NCOR2: variants seen among roughly 807,000 people sequenced by gnomAD.
NCOR2 encodes the protein CTG repeat protein 26.
NCOR2 carries 81 observed loss-of-function variants against 262.9 expected under a neutral mutation model. The ratio of observed to expected loss-of-function variants is 0.31; its 90% CI spans 0.26 to 0.37. The LOEUF (loss-of-function observed/expected upper bound fraction) is 0.37. Among genes scored for constraint, NCOR2 ranks in the 10% least tolerant of loss-of-function variants. The pLI, the probability that NCOR2 is intolerant of heterozygous loss-of-function variation, is 1.00. For missense variants in NCOR2, 3,385 were observed against 3,621.4 expected (o/e 0.93, Z 1.68); for synonymous variants, 1,659 against 1,559.3 (o/e 1.06, Z -1.51).
At chr12:124,491,001 C>T (rs1049709045) in intron 1 of NCOR2, among the ~76,000 whole-genome samples, 7 of 152,260 alleles carry the variant, frequency 4.6e-5, no homozygotes, top group Non-Finnish European at 1.0e-4. Flanking sequence ...AAGAGCTAAT[C>T]TAGGCCAAGA....
At chr12:124,371,002 C>A (rs866391075) in intron 20 of NCOR2, among the ~76,000 whole-genome samples, 1 of 152,166 alleles carries the variant, frequency 6.6e-6, no homozygotes, top group African/African-American at 2.4e-5. Context: ...ACGGCCACCA[C>A]GCTCGCATCT....
intron 19 of NCOR2, among the ~76,000 whole-genome samples, chr12:124,374,154 C>T (rs746841254): frequency 6.6e-5 from 10 of 152,186 alleles, no homozygotes; most frequent in East Asian, 1.9e-4. Flanking sequence ...AAATCAAACC[C>T]GGTCGGAGAC....
chr12:124,469,269 G>A (rs34142604), intron 4 of NCOR2, among the ~76,000 whole-genome samples: 79,922 of 151,726 alleles, frequency 0.53, 21,603 homozygotes, highest in Non-Finnish European at 0.58. Context: ...TATGAACCCA[G>A]AAAGGTGCCC....
intron 31 of NCOR2, 142 bp downstream of exon 33, chr12:124,346,422 C>G: frequency 1.1e-6 from 1 of 934,024 alleles, no homozygotes; most frequent in South Asian, 2.3e-5. Flanking sequence ...AGCTGAGGCC[C>G]GGTGATGAGC....
chr12:124,334,028 G>GTGTGTGCGCGCATGT (rs1593094229), intron 41 of NCOR2, among the ~76,000 whole-genome samples: 14 of 150,212 alleles, frequency 9.3e-5, no homozygotes, highest in Non-Finnish European at 1.6e-4. Flanking sequence ...GTGCATGTGT[G>GTGTGTGCGCGCATGT]GAAAGGCTGC....
chr12:124,539,856 C>T (rs2137207875), upstream of NCOR2, among the ~76,000 whole-genome samples: 1 of 152,290 alleles, frequency 6.6e-6, no homozygotes, highest in Non-Finnish European at 1.5e-5. The surrounding 1 kb of genome is among the most constrained non-coding windows in gnomAD (Gnocchi z 5.1). Context: ...CCTGGCTCAC[C>T]CCAGCCACAA....
chr12:124,422,428 G>A (rs1391706105), intron 12 of NCOR2, 73 bp downstream of exon 14: 2 of 1,569,166 alleles, frequency 1.3e-6, no homozygotes, highest in African/African-American at 1.4e-5. Context: ...AGGAGGGAGG[G>A]CCTCCACCCT....
intron 17 of NCOR2, chr12:124,383,497 C>A: frequency 1.1e-6 from 1 of 942,488 alleles, no homozygotes; most frequent in South Asian, 4.2e-5. Context: ...GCTCATACCT[C>A]CCACAAATCT....
In NCOR2 at chr12:124,549,258, G is replaced by C. The variant is rs1047842653; in HGVS notation, c.-164-13647C>G. 1.3e-5 allele frequency among the ~76,000 whole-genome samples: 2 copies of C among 152,012 alleles called. No homozygotes were observed. Among genetic ancestry groups the C allele is most frequent in the African/African-American group, 4.8e-5 (2 of 41,378 alleles). ...GTGCCGCACTGAGACAGGCAGGCAC[G>C]CAGCTGAGGGGCTGGCGGTGGGAGG... On this transcript the variant is annotated intron_variant, in intron 1 of 32. Coordinates refer to the NCOR2 transcript ENST00000458234. The surrounding 1 kb of genome is among the most constrained non-coding windows in gnomAD (Gnocchi z 4.4).
upstream of NCOR2, among the ~76,000 whole-genome samples, chr12:124,500,174 C>T (rs1243612119): frequency 3.5e-5 from 5 of 140,954 alleles, no homozygotes; most frequent in Non-Finnish European, 6.3e-5. Context: ...GGATACCCAA[C>T]GGGGACACCA....
chr12:124,402,530 T>C, exon 14 of NCOR2: 1 of 1,566,548 alleles, frequency 6.4e-7, no homozygotes, highest in East Asian at 2.4e-5. Flanking sequence ...CTGCTGCTGC[T>C]GCTGCTGCTG....
intron 1 of NCOR2, among the ~76,000 whole-genome samples, chr12:124,506,521 G>A (rs937687670): frequency 6.6e-6 from 1 of 151,586 alleles, no homozygotes; most frequent in Non-Finnish European, 1.5e-5. Flanking sequence ...AGGAAGAGAG[G>A]GAGATAAACC....
chr12:124,457,300 C>CG lies in NCOR2; in HGVS notation c.706-139dup. ...ATCCTCAGCACGGGGGAGGGAGGCC[C>CG]GGGGCCCCCTGCAGGCCCTCCCCAC... On this transcript the variant is annotated intron_variant, in intron 5 of 46. Transcript: ENST00000405201. This position sits in a 1 kb window ranked among gnomAD's most constrained non-coding sequence, Gnocchi z 4.0. The CG allele has an allele frequency of 1.1e-6, 1 of 937,886 alleles. No individual in the cohort carries two copies. 58.1% of individuals were successfully genotyped at this position (937,886 alleles called of 1,614,324 possible).
chr12:124,559,038 GAA>G (rs1375949835), intron 1 of NCOR2, among the ~76,000 whole-genome samples: 1 of 152,170 alleles, frequency 6.6e-6, no homozygotes, highest in Admixed American at 6.5e-5. Context: ...CCGGACCCCA[GAA>G]AAGACTGACC....
At chr12:124,452,238 G>A (rs904440082) in intron 6 of NCOR2, among the ~76,000 whole-genome samples, 2 of 152,230 alleles carry the variant, frequency 1.3e-5, no homozygotes, top group Non-Finnish European at 2.9e-5. Context: ...CAGAGGGTGC[G>A]AATCCTCGTC....
chr12:124,449,931 C>A, intron 6 of NCOR2, 64 bp from the exon 9 acceptor site: 1 of 1,540,990 alleles, frequency 6.5e-7, no homozygotes, highest in Non-Finnish European at 8.9e-7. Flanking sequence ...CAGAGCCCAC[C>A]GGTAGGAGCC....
intron 18 of NCOR2, 61 bp from the exon 21 acceptor site, chr12:124,374,524 A>G: frequency 6.5e-7 from 1 of 1,545,198 alleles, no homozygotes; most frequent in Non-Finnish European, 8.9e-7. Context: ...GAGGGGAGGG[A>G]GGAGGCAACG....
At chr12:124,360,475 C>T (rs1268406443) in intron 22 of NCOR2, among the ~76,000 whole-genome samples, 1 of 152,240 alleles carries the variant, frequency 6.6e-6, no homozygotes, top group Non-Finnish European at 1.5e-5. Context: ...CTTGACTCAA[C>T]AACGGCCAGA....
chr12:124,346,525 T>G lies in NCOR2; in HGVS notation c.4359+39A>C, dbSNP rs2036951493. 4.1e-6 allele frequency: 6 copies of G among 1,481,394 alleles called. No homozygotes were observed. The East Asian group carries it at 1.4e-4, about 35-fold the overall frequency. The allele number at this position is 1,481,394 out of a possible 1,614,324, so 91.8% of individuals were successfully genotyped here. ...AGTGCCCCACAGCCACCGCCACCCC[T>G]CCTAGAACTGGGCCCGTGTGCCTGG... On this transcript the variant is annotated intron_variant, in intron 31 of 46. Coordinates refer to ENST00000405201, the Ensembl canonical transcript of NCOR2.
Sources: allele counts gnomAD v4.1 joint callset (sites outside exome capture counted in the v4.1 genomes callset), GRCh38; gene constraint gnomAD v4.1.1; non-coding constraint Gnocchi (gnomAD v3.1); transcripts MANE v1.5; gene names NCBI Gene and HGNC (gene_info 2026-07-23, HGNC 2026-07-21).